Variants in RALGPS1 observed in about 807,000 individuals in gnomAD.
RALGPS1 encodes ras-specific guanine nucleotide-releasing factor RalGPS1.
RALGPS1 carries 19 observed loss-of-function variants against 78.8 expected under a neutral mutation model. The ratio of observed to expected loss-of-function variants is 0.24; its 90% CI spans 0.17 to 0.35. The LOEUF (loss-of-function observed/expected upper bound fraction) is 0.35. Ranked by LOEUF, RALGPS1 falls within the 10% of genes least tolerant of loss-of-function variation. RALGPS1 has a pLI of 1.00. For missense variants in RALGPS1, 454 were observed against 688.3 expected (o/e 0.66, Z 3.81); for synonymous variants, 228 against 256.3 (o/e 0.89, Z 1.06).
chr9:127,003,661 A>G (rs1482627468), intron 4 of RALGPS1, among the ~76,000 whole-genome samples: 2 of 152,104 alleles, frequency 1.3e-5, no homozygotes, highest in Non-Finnish European at 2.9e-5. Flanking sequence ...CTTAATAGAT[A>G]CTGCCAAACT....
chr9:126,983,722 T>C (rs978984090), intron 4 of RALGPS1, among the ~76,000 whole-genome samples: 1 of 152,214 alleles, frequency 6.6e-6, no homozygotes, highest in African/African-American at 2.4e-5. Flanking sequence ...GCTTAACTTA[T>C]TGAAAGGTTA....
chr9:127,186,818 G>T lies in RALGPS1; in HGVS notation c.911-8273G>T, dbSNP rs550501104. ...GGTCAAGGGGCATCTGAGGCCAGGC[G>T]TGTCTCCCAGGGCCATCCACAGCCG... On this transcript the variant is annotated intron_variant, in intron 11 of 18. Transcript: ENST00000259351. Among the ~76,000 whole-genome samples the T allele has an allele frequency of 7.2e-5, 11 of 152,338 alleles. No individual in the cohort carries two copies. In the South Asian group the frequency reaches 2.3e-3, roughly 32 times the overall value.
At chr9:126,943,618 G>A (rs2036976519) in intron 1 of RALGPS1, among the ~76,000 whole-genome samples, 1 of 152,188 alleles carries the variant, frequency 6.6e-6, no homozygotes. Flanking sequence ...GCTCTCCGTG[G>A]AATGTGGGCT....
At chr9:127,066,597 C>T (rs935620044) in intron 7 of RALGPS1, among the ~76,000 whole-genome samples, 3 of 152,132 alleles carry the variant, frequency 2.0e-5, no homozygotes, top group African/African-American at 7.2e-5. Context: ...GCTGAGATTG[C>T]ACCACTCCTT....
At position 127,221,164 on chromosome 9, in the gene RALGPS1, A is replaced by G. The variant is rs930761688; in HGVS notation, c.*2395A>G. 7 of 152,226 alleles carry G rather than the reference A, an allele frequency of 4.6e-5. No homozygotes were observed. The highest frequency in any genetic ancestry group is 1.7e-4 in the African/African-American group (7 of 41,462). 9.4% of individuals were successfully genotyped at this position (152,226 alleles called of 1,614,324 possible). ...GGGGCTCGGCCAAACATGGGAGTTA[A>G]GTGCTGCTTGTCTTCCCAGTGTTGG... On this transcript the variant is annotated 3_prime_UTR_variant, in exon 19 of 19. Transcript: ENST00000259351.
chr9:127,124,870 C>A (rs1413664398), intron 8 of RALGPS1, among the ~76,000 whole-genome samples: 1 of 152,200 alleles, frequency 6.6e-6, no homozygotes, highest in African/African-American at 2.4e-5. Flanking sequence ...TTCCCACCCT[C>A]TGGTAACAGG....
intron 1 of RALGPS1, among the ~76,000 whole-genome samples, chr9:126,916,913 A>G (rs2034227097): frequency 6.6e-6 from 1 of 152,214 alleles, no homozygotes; most frequent in African/African-American, 2.4e-5. Flanking sequence ...AGAGTGTTGT[A>G]TACCCATATA....
chr9:127,062,184 G>A lies in RALGPS1; in HGVS notation c.484-7046G>A, dbSNP rs140296253. ...GCGATCTTGACTCACTGCAAGCTCC[G>A]CCTCCCAGGTTCACACCATTCTCTT... On this transcript the variant is annotated intron_variant, in intron 7 of 18. Transcript: ENST00000259351. Among the ~76,000 whole-genome samples, 708 of 152,106 alleles carry A rather than the reference G, an allele frequency of 4.7e-3. 6 individuals carry two copies. The highest frequency in any genetic ancestry group is 0.016 in the African/African-American group (675 of 41,486).
intron 1 of RALGPS1, among the ~76,000 whole-genome samples, chr9:126,950,374 G>T (rs1391338835): frequency 6.6e-6 from 1 of 152,172 alleles, no homozygotes; most frequent in African/African-American, 2.4e-5. Context: ...GCTTGATGGG[G>T]ATGGCATTGA....
chr9:126,936,248 G>C (rs1170740228), intron 1 of RALGPS1, among the ~76,000 whole-genome samples: 1 of 152,222 alleles, frequency 6.6e-6, no homozygotes, highest in East Asian at 1.9e-4. Context: ...AGGACTCTTG[G>C]CCATGGAAGG....
chr9:126,995,621 A>G (rs945417146), intron 4 of RALGPS1, among the ~76,000 whole-genome samples: 29 of 152,082 alleles, frequency 1.9e-4, no homozygotes, highest in African/African-American at 6.3e-4. Context: ...AGACAGATCA[A>G]CGAGACAGAA....
At chr9:127,067,588 T>G (rs2135799187) in intron 7 of RALGPS1, among the ~76,000 whole-genome samples, 2 of 152,336 alleles carry the variant, frequency 1.3e-5, no homozygotes, top group South Asian at 4.1e-4. Context: ...TTCCCACTCC[T>G]CTCCATTGCA....
chr9:127,056,479 G>T (rs748747182), intron 7 of RALGPS1, among the ~76,000 whole-genome samples: 4 of 152,200 alleles, frequency 2.6e-5, no homozygotes, highest in African/African-American at 4.8e-5. Flanking sequence ...TTTTAGATCA[G>T]ACTCTCCCCT....
intron 2 of RALGPS1, among the ~76,000 whole-genome samples, chr9:126,964,707 A>T (rs937345092): frequency 6.6e-6 from 1 of 151,414 alleles, no homozygotes; most frequent in African/African-American, 2.4e-5. Context: ...AAATCTTTTG[A>T]TGACACAGGC....
At chr9:126,958,117 C>G (rs1424831947) in intron 1 of RALGPS1, among the ~76,000 whole-genome samples, 6 of 87,624 alleles carry the variant, frequency 6.8e-5, no homozygotes, top group Non-Finnish European at 2.5e-5. Flanking sequence ...GGAAACAGAG[C>G]TGTCTCTTTA....
At chr9:127,047,557 G>C (rs2135243444) in intron 5 of RALGPS1, among the ~76,000 whole-genome samples, 1 of 152,222 alleles carries the variant, frequency 6.6e-6, no homozygotes, top group Admixed American at 6.5e-5. Context: ...AAATTAGCCA[G>C]GTGTGGTGGT....
chr9:127,153,792 C>T (rs1279119496), intron 8 of RALGPS1, among the ~76,000 whole-genome samples: 2 of 152,204 alleles, frequency 1.3e-5, no homozygotes, highest in African/African-American at 4.8e-5. Context: ...GCATTGGCCA[C>T]AAGGCCTGCT....
At chr9:126,982,429 G>A (rs371171460) in intron 4 of RALGPS1, among the ~76,000 whole-genome samples, 45 of 152,248 alleles carry the variant, frequency 3.0e-4, no homozygotes, top group African/African-American at 9.4e-4. Context: ...GAGTACCTCC[G>A]TCATAGGGTT....
rs569135020 is a variant in RALGPS1 at position 126,990,673 on chromosome 9, T to C, written c.216+12928T>C. 3.9e-5 allele frequency among the ~76,000 whole-genome samples: 6 copies of C among 152,292 alleles called. No homozygotes were observed. In the East Asian group the frequency reaches 9.7e-4, roughly 25 times the overall value. Reference sequence around the variant, plus strand: ...AGAGCTCCGAGGTAGTGCTCCTCCTTCTCATGCTCCCTCTCATAGCCGCCT... The same window carrying C: ...AGAGCTCCGAGGTAGTGCTCCTCCTCCTCATGCTCCCTCTCATAGCCGCCT... On this transcript the variant is annotated intron_variant, in intron 4 of 18. Coordinates refer to ENST00000259351, the MANE Select transcript of RALGPS1 (RefSeq NM_014636.3).
Sources: allele counts gnomAD v4.1 joint callset (sites outside exome capture counted in the v4.1 genomes callset), GRCh38; gene constraint gnomAD v4.1.1; transcripts MANE v1.5; gene names NCBI Gene and HGNC (gene_info 2026-07-23, HGNC 2026-07-21).